The following ROCK2 variants were observed in gnomAD, a reference collection of about 807,000 sequenced individuals.
ROCK2 encodes rho-associated protein kinase 2.
Under a neutral mutation model 195.1 loss-of-function variants are expected in ROCK2, and 61 were observed. The ratio of observed to expected loss-of-function variants is 0.31; its 90% CI spans 0.25 to 0.39. The LOEUF (loss-of-function observed/expected upper bound fraction) is 0.39. Ranked by LOEUF, ROCK2 falls within the 10% of genes least tolerant of loss-of-function variation. ROCK2 has a pLI of 1.00. For synonymous variants in ROCK2, 504 were observed against 545.5 expected (o/e 0.92, Z 1.06); for missense variants, 1,109 against 1,637.4 (o/e 0.68, Z 5.57).
At chr2:11,321,492 G>A (rs747574382) in intron 1 of ROCK2, among the ~76,000 whole-genome samples, 4 of 151,422 alleles carry the variant, frequency 2.6e-5, no homozygotes, top group Non-Finnish European at 5.9e-5. Flanking sequence ...GGCCAAGGCA[G>A]GTGGATCACT....
At chr2:11,222,268 G>T in intron 7 of ROCK2, 94 bp from the exon 8 acceptor site, 1 of 674,676 alleles carries the variant, frequency 1.5e-6, no homozygotes, top group Non-Finnish European at 2.5e-6. Context: ...AAGATCTCAA[G>T]TAAATTTGAG....
intron 3 of ROCK2, among the ~76,000 whole-genome samples, chr2:11,255,095 T>TG (rs1358530158): frequency 1.1e-4 from 17 of 150,488 alleles, no homozygotes; most frequent in African/African-American, 3.7e-4. Flanking sequence ...CGGGCACCTG[T>TG]AGTCCCAGCT....
intron 2 of ROCK2, among the ~76,000 whole-genome samples, chr2:11,286,954 G>A (rs1436277957): frequency 6.6e-6 from 1 of 152,142 alleles, no homozygotes; most frequent in African/African-American, 2.4e-5. Context: ...ATCCTGGTGT[G>A]CACTCTGAAT....
At chr2:11,295,990 G>GAGAGAGAGAGGGGAGAGAGAGAGAGAA (rs1553313903) in intron 1 of ROCK2, among the ~76,000 whole-genome samples, 1 of 28,394 alleles carries the variant, frequency 3.5e-5, no homozygotes, top group African/African-American at 8.2e-5. Flanking sequence ...GAGAGAGAGA[G>GAGAGAGAGAGGGGAGAGAGAGAGAGAA]GAGAGAGAGA....
chr2:11,322,314 T>C lies in ROCK2; in HGVS notation c.141+21682A>G, dbSNP rs115883782. On this transcript the variant is annotated intron_variant, in intron 1 of 32. Transcript: ENST00000315872. ...AATTTTCATATTAATGTATCAGTTTTTTAAAAAGAATAAGAAAAAATAAAG... is the reference window on the plus strand; with the variant it reads ...AATTTTCATATTAATGTATCAGTTTCTTAAAAAGAATAAGAAAAAATAAAG... Among the ~76,000 whole-genome samples the C allele has an allele frequency of 2.8e-3, 430 of 152,176 alleles. 1 individual carries two copies. Among genetic ancestry groups the C allele is most frequent in the African/African-American group, 9.2e-3 (381 of 41,552 alleles).
chr2:11,321,455 G>A lies in ROCK2; in HGVS notation c.141+22541C>T, dbSNP rs189234008. On this transcript the variant is annotated intron_variant, in intron 1 of 32. Transcript: ENST00000315872. The stretch of plus-strand genomic sequence containing the variant: ...CCTCCCAAGTGCTGGGATTACAGGC[G>A]TGGCCACTGCGTCCAGCACTTTGGG... Among the ~76,000 whole-genome samples the A allele has an allele frequency of 1.1e-3, 171 of 151,550 alleles. No homozygotes were observed. The South Asian group carries it at 0.016, about 14-fold the overall frequency.
intron 3 of ROCK2, among the ~76,000 whole-genome samples, chr2:11,257,255 G>A (rs777461668): frequency 5.9e-5 from 8 of 135,574 alleles, no homozygotes; most frequent in Non-Finnish European, 1.1e-4. Flanking sequence ...TCAGAGAAGA[G>A]CTTGTGGCCA....
At chr2:11,343,620 G>A (rs973032834) in intron 1 of ROCK2, among the ~76,000 whole-genome samples, 2 of 152,114 alleles carry the variant, frequency 1.3e-5, no homozygotes, top group Non-Finnish European at 2.9e-5. Context: ...TCCCTCGCTC[G>A]CACCAAGTCC....
chr2:11,223,347 C>A (rs1260775582), intron 7 of ROCK2, among the ~76,000 whole-genome samples: 1 of 152,140 alleles, frequency 6.6e-6, no homozygotes, highest in African/African-American at 2.4e-5. Context: ...AATGGAAATA[C>A]ATACTGCTGT....
At chr2:11,287,544 T>G (rs896886753) in intron 2 of ROCK2, 111 bp downstream of exon 2, 4 of 382,300 alleles carry the variant, frequency 1.0e-5, no homozygotes, top group Non-Finnish European at 1.9e-5. Context: ...GACTTAAGTT[T>G]AATAAATAAG....
chr2:11,327,859 G>A (rs1444458201), intron 1 of ROCK2, among the ~76,000 whole-genome samples: 6 of 152,160 alleles, frequency 3.9e-5, no homozygotes, highest in South Asian at 4.1e-4. Context: ...CACCAAGCCC[G>A]GCCAACTGTC....
chr2:11,245,543 G>T (rs1665582711), intron 4 of ROCK2, among the ~76,000 whole-genome samples: 1 of 152,150 alleles, frequency 6.6e-6, no homozygotes. Flanking sequence ...CAATCAAAAT[G>T]TCAAATGTGC....
intron 1 of ROCK2, among the ~76,000 whole-genome samples, chr2:11,303,285 A>C (rs1667761381): frequency 6.6e-6 from 1 of 152,208 alleles, no homozygotes; most frequent in African/African-American, 2.4e-5. Flanking sequence ...TACACAGCTT[A>C]TCTCACATCT....
rs1663835527 is a variant in ROCK2, at chr2:11,201,117, A to T, written c.2750T>A (p.Ile917Asn). The change falls in exon 23 of 33, where the codon ATC (isoleucine) becomes AAC (asparagine). Residue 917 changes from isoleucine to asparagine, a missense_variant. Physicochemically the swap from Ile to Asn is moderately radical, Grantham distance 149 (BLOSUM62 -3). This residue lies in a region of ROCK2 where 542 missense variants were observed against 672.0 expected (regional missense o/e 0.81). Coordinates refer to ENST00000315872, the MANE Select transcript of ROCK2 (RefSeq NM_004850.5). The surrounding 1 kb of genome is among the most constrained non-coding windows in gnomAD (Gnocchi z 4.6). ...ERDSLAAQLE[I>N]TLTKADSEQL... Reference sequence around the variant, plus strand: ...CTCAGAATCTGCTTTGGTCAAGGTGATCTCCAGTTGGGCAGCCAAAGAGTC... The same window carrying T: ...CTCAGAATCTGCTTTGGTCAAGGTGTTCTCCAGTTGGGCAGCCAAAGAGTC... 1 of 1,610,802 alleles carries T rather than the reference A, an allele frequency of 6.2e-7. No individual in the cohort carries two copies. The highest frequency in any genetic ancestry group is 8.5e-7 in the Non-Finnish European group (1 of 1,179,094).
At chr2:11,236,688 G>A (rs763451533) in intron 4 of ROCK2, among the ~76,000 whole-genome samples, 3 of 152,062 alleles carry the variant, frequency 2.0e-5, no homozygotes, top group Non-Finnish European at 4.4e-5. Context: ...ACCCCTCCCA[G>A]AAACAAGCAA....
intron 1 of ROCK2, among the ~76,000 whole-genome samples, chr2:11,339,959 T>C (rs1428479046): frequency 1.3e-5 from 2 of 152,228 alleles, no homozygotes; most frequent in Non-Finnish European, 2.9e-5. Context: ...ATTTGCATAC[T>C]ATATTTTTAG....
intron 1 of ROCK2, among the ~76,000 whole-genome samples, chr2:11,307,447 G>A (rs558521688): frequency 6.6e-6 from 1 of 152,282 alleles, no homozygotes; most frequent in African/African-American, 2.4e-5. Context: ...CCGAGTAGCT[G>A]GGACTACAGG....
chr2:11,309,102 AG>A (rs1210623932), intron 1 of ROCK2, among the ~76,000 whole-genome samples: 1 of 152,106 alleles, frequency 6.6e-6, no homozygotes, highest in Non-Finnish European at 1.5e-5. Context: ...CAAAATTCAA[AG>A]TCCAGCACAT....
At chr2:11,303,984 T>C (rs951011614) in intron 1 of ROCK2, among the ~76,000 whole-genome samples, 1 of 152,228 alleles carries the variant, frequency 6.6e-6, no homozygotes, top group Non-Finnish European at 1.5e-5. Context: ...TCTACTTTGC[T>C]TTGATGAAAA....
Sources: gnomAD v4.1 joint callset for allele counts (sites outside exome capture counted in the v4.1 genomes callset) on GRCh38, gnomAD v4.1.1 for gene constraint, gnomAD v4.1.1 regional missense constraint, Gnocchi (gnomAD v3.1) non-coding constraint, MANE v1.5 for transcripts, NCBI Gene and HGNC (gene_info 2026-07-23, HGNC 2026-07-21) for gene names.